The following PTK2 variants were observed in gnomAD, a reference collection of about 807,000 sequenced individuals.
The protein encoded by PTK2 is focal adhesion kinase 1.
Under a neutral mutation model 150.1 loss-of-function variants are expected in PTK2, and 45 were observed. That is an observed-to-expected ratio of 0.30 (90% confidence interval 0.24 to 0.38). The LOEUF (loss-of-function observed/expected upper bound fraction) is 0.38. PTK2 is among the 10% of genes least tolerant of loss of function. The pLI, the probability that PTK2 is intolerant of heterozygous loss-of-function variation, is 1.00. For missense variants in PTK2, 919 were observed against 1,307.3 expected, an observed-to-expected ratio of 0.70 and a Z score of 4.58; for synonymous variants, 432 against 449.2, an observed-to-expected ratio of 0.96 and a Z score of 0.48.
At chr8:140,816,471 C>T (rs1326386273) in intron 10 of PTK2, among the ~76,000 whole-genome samples, 1 of 152,110 alleles carries the variant, frequency 6.6e-6, no homozygotes, top group Non-Finnish European at 1.5e-5. Context: ...CAGTGGTCAT[C>T]CTTAGGATGT....
chr8:140,895,416 G>T (rs187839089), intron 2 of PTK2, among the ~76,000 whole-genome samples: 1 of 152,020 alleles, frequency 6.6e-6, no homozygotes, highest in African/African-American at 2.4e-5. Context: ...CAGCTCCTTG[G>T]GAGGCTGAGG....
intron 7 of PTK2, among the ~76,000 whole-genome samples, chr8:140,834,071 G>C (rs781059092): frequency 6.6e-6 from 1 of 152,198 alleles, no homozygotes; most frequent in Admixed American, 6.5e-5. Flanking sequence ...AGTCCCATGT[G>C]GCTAGAGGCT....
intron 17 of PTK2, chr8:140,750,421 G>C (rs2100061998): frequency 6.6e-6 from 1 of 152,260 alleles, no homozygotes; most frequent in African/African-American, 2.4e-5. Flanking sequence ...TAGAGGAAGA[G>C]AGGAAGAGAC....
chr8:140,726,306 A>C (rs2100045761), intron 22 of PTK2, among the ~76,000 whole-genome samples: 2 of 152,190 alleles, frequency 1.3e-5, no homozygotes, highest in Non-Finnish European at 2.9e-5. Context: ...GTGCGACTGG[A>C]ATCTCAGAAG....
intron 20 of PTK2, among the ~76,000 whole-genome samples, chr8:140,742,004 C>T (rs143867745): frequency 9.9e-5 from 15 of 152,234 alleles, no homozygotes; most frequent in Non-Finnish European, 1.5e-4. Context: ...GGCATGGTGG[C>T]GCACGCCCGT....
chr8:140,905,402 A>G (rs937222900), intron 2 of PTK2, among the ~76,000 whole-genome samples: 2 of 152,214 alleles, frequency 1.3e-5, no homozygotes, highest in African/African-American at 2.4e-5. Context: ...ACAGACTTTA[A>G]ACCAACAAAG....
chr8:140,923,736 C>T (rs2100168397), intron 2 of PTK2, among the ~76,000 whole-genome samples: 1 of 152,202 alleles, frequency 6.6e-6, no homozygotes, highest in African/African-American at 2.4e-5. Flanking sequence ...TCTTTTAGTA[C>T]TGGCATATTT....
At chr8:140,663,468 T>A (rs1024021680) in intron 31 of PTK2, among the ~76,000 whole-genome samples, 2 of 152,214 alleles carry the variant, frequency 1.3e-5, no homozygotes, top group African/African-American at 4.8e-5. Flanking sequence ...GGCTGAAGCC[T>A]GCAGATCCTG....
chr8:140,881,271 C>T (rs980652118), intron 3 of PTK2, among the ~76,000 whole-genome samples: 14 of 152,174 alleles, frequency 9.2e-5, no homozygotes, highest in African/African-American at 2.9e-4. Flanking sequence ...GTCTTTAAAC[C>T]TTGTGCTCTG....
At chr8:140,911,900 C>T (rs1454776985) in intron 2 of PTK2, among the ~76,000 whole-genome samples, 2 of 152,018 alleles carry the variant, frequency 1.3e-5, no homozygotes, top group Non-Finnish European at 2.9e-5. Flanking sequence ...AACATAGATA[C>T]AAATAATCTG....
At chr8:140,842,742 T>C (rs2100123054) in intron 7 of PTK2, among the ~76,000 whole-genome samples, 1 of 152,112 alleles carries the variant, frequency 6.6e-6, no homozygotes, top group Admixed American at 6.6e-5. Flanking sequence ...CACAGGAATT[T>C]AGAAAGAGGG....
chr8:140,884,926 C>T (rs2100151728), intron 3 of PTK2, among the ~76,000 whole-genome samples: 1 of 152,122 alleles, frequency 6.6e-6, no homozygotes, highest in African/African-American at 2.4e-5. Context: ...CCAACCATTC[C>T]CTACTGACTC....
intron 27 of PTK2, among the ~76,000 whole-genome samples, chr8:140,681,094 G>T (rs936446601): frequency 3.9e-5 from 6 of 152,236 alleles, no homozygotes; most frequent in South Asian, 2.1e-4. Flanking sequence ...GCTGGGCGCG[G>T]TTGCTCACGC....
chr8:140,901,322 A>G (rs1434809495), intron 2 of PTK2, among the ~76,000 whole-genome samples: 3 of 152,192 alleles, frequency 2.0e-5, no homozygotes, highest in African/African-American at 7.2e-5. Flanking sequence ...GAATTACTGT[A>G]AGAAAATACT....
At chr8:140,675,853 T>C (rs2100013305) in intron 27 of PTK2, 1 of 177,230 alleles carries the variant, frequency 5.6e-6, no homozygotes, top group African/African-American at 2.4e-5. Context: ...ATAGAACTAC[T>C]TATCAAAGAA....
At chr8:140,786,353 A>G (rs1440810086) in intron 14 of PTK2, among the ~76,000 whole-genome samples, 7 of 152,194 alleles carry the variant, frequency 4.6e-5, no homozygotes, top group African/African-American at 1.7e-4. Context: ...TTGGTGTGTC[A>G]GCACTACATC....
At chr8:140,895,950 T>C (rs2100156035) in intron 2 of PTK2, among the ~76,000 whole-genome samples, 1 of 151,944 alleles carries the variant, frequency 6.6e-6, no homozygotes, top group South Asian at 2.1e-4. Flanking sequence ...AAAACAAAAT[T>C]GATACACCTC....
At chr8:140,743,067 T>G (rs1030685294) in intron 20 of PTK2, among the ~76,000 whole-genome samples, 163 bp downstream of exon 23, 10 of 152,246 alleles carry the variant, frequency 6.6e-5, no homozygotes, top group Non-Finnish European at 1.3e-4. Flanking sequence ...TGCCTAAGGA[T>G]GTCCAACTGC....
chr8:140,683,950 A>G (rs1451633004), intron 27 of PTK2, among the ~76,000 whole-genome samples: 2 of 152,212 alleles, frequency 1.3e-5, no homozygotes, highest in Non-Finnish European at 2.9e-5. Context: ...GAACTGAAAC[A>G]AGACCAGGAT....
Sources: allele counts gnomAD v4.1 joint callset (sites outside exome capture counted in the v4.1 genomes callset), GRCh38; gene constraint gnomAD v4.1.1; transcripts MANE v1.5; gene names NCBI Gene and HGNC (gene_info 2026-07-23, HGNC 2026-07-21).